KIAA1549: variants seen among roughly 807,000 people sequenced by gnomAD.
KIAA1549 encodes KIAA1549.
A neutral mutation model predicts 156.4 loss-of-function variants in KIAA1549; 70 were observed. The ratio of observed to expected loss-of-function variants is 0.45; its 90% CI spans 0.37 to 0.55. The LOEUF (loss-of-function observed/expected upper bound fraction) is 0.55, where lower values mean the gene tolerates loss of function less well. Among genes scored for constraint, KIAA1549 ranks in the 20% least tolerant of loss-of-function variants. The pLI is 0.00. For synonymous variants in KIAA1549, 1,103 were observed against 1,066.4 expected (o/e 1.03, Z -0.67); for missense variants, 2,428 against 2,540.9 (o/e 0.96, Z 0.96).
intron 3 of KIAA1549, among the ~76,000 whole-genome samples, chr7:138,912,148 CT>C (rs1777534088): frequency 6.6e-6 from 1 of 152,232 alleles, no homozygotes; most frequent in African/African-American, 2.4e-5. Context: ...AACACATCCC[CT>C]AAAGGACTAA....
intron 12 of KIAA1549, among the ~76,000 whole-genome samples, chr7:138,877,768 A>G (rs1178141520): frequency 6.6e-6 from 1 of 152,160 alleles, no homozygotes; most frequent in Non-Finnish European, 1.5e-5. Flanking sequence ...TATTCACAAA[A>G]TCATCTAATT....
At chr7:138,887,943 C>G (rs1027556017) in intron 10 of KIAA1549, among the ~76,000 whole-genome samples, 1 of 152,192 alleles carries the variant, frequency 6.6e-6, no homozygotes, top group East Asian at 1.9e-4. Context: ...ACAGTTCACT[C>G]CCGCAGAAGA....
intron 1 of KIAA1549, among the ~76,000 whole-genome samples, chr7:138,974,037 C>G (rs553747472): frequency 2.0e-5 from 3 of 152,172 alleles, no homozygotes; most frequent in Admixed American, 2.0e-4. Flanking sequence ...CAGTGGAGCA[C>G]GAGCACTGAC....
At chr7:138,889,904 T>C (rs1811501448) in intron 10 of KIAA1549, among the ~76,000 whole-genome samples, 1 of 152,228 alleles carries the variant, frequency 6.6e-6, no homozygotes, top group South Asian at 2.1e-4. Flanking sequence ...TCACTTTTTC[T>C]AGTTTCTCCA....
chr7:138,906,987 A>G lies in KIAA1549; in HGVS notation c.3392T>C (p.Leu1131Pro). 6.2e-7 allele frequency: 1 copy of G among 1,613,448 alleles called. No homozygotes were observed. The highest frequency in any genetic ancestry group is 1.1e-5 in the South Asian group (1 of 90,984). Residue 1131 changes from leucine (L) to proline (P), a missense_variant, in exon 6 of 20, where the codon CTG becomes CCG. Leu to Pro is a moderately conservative substitution (Grantham distance 98, BLOSUM62 -3). Around this residue, in one of 5 missense-constraint regions of KIAA1549, gnomAD observed 762 missense variants for 901.6 expected, o/e 0.85. Transcript: ENST00000422774. ...CTCCACCACACTCAAGTTTCTGAGC[A>G]GCTCGCTCACTTCCGACCCATTCAA... ...GFLNGSEVSE[L>P]LRNLSVVEFS...
chr7:138,964,058 C>T (rs1278040470), intron 1 of KIAA1549, among the ~76,000 whole-genome samples: 2 of 152,154 alleles, frequency 1.3e-5, no homozygotes, highest in African/African-American at 4.8e-5. Flanking sequence ...AAGTAAAATG[C>T]ACCACCACAC....
intron 18 of KIAA1549, 58 bp from the exon 19 acceptor site, chr7:138,840,336 A>C (rs1232557678): frequency 9.3e-6 from 14 of 1,504,208 alleles, no homozygotes; most frequent in Non-Finnish European, 1.3e-5. Flanking sequence ...ATGGCTGCTG[A>C]GGATGGCTGC....
At chr7:138,928,041 C>T (rs1314883182) in intron 1 of KIAA1549, among the ~76,000 whole-genome samples, 1 of 151,662 alleles carries the variant, frequency 6.6e-6, no homozygotes, top group Non-Finnish European at 1.5e-5. Flanking sequence ...CTGCCTCAGC[C>T]TCCCGAGTAG....
At chr7:138,860,921 T>C (rs1810552191) in intron 16 of KIAA1549, among the ~76,000 whole-genome samples, 1 of 152,200 alleles carries the variant, frequency 6.6e-6, no homozygotes, top group Non-Finnish European at 1.5e-5. Flanking sequence ...GCCTCCTAAA[T>C]TGCGGGGATT....
chr7:138,972,595 G>A (rs1054316302), intron 1 of KIAA1549, among the ~76,000 whole-genome samples: 37 of 151,854 alleles, frequency 2.4e-4, no homozygotes, highest in Non-Finnish European at 3.8e-4. Flanking sequence ...AGTGCTAGAG[G>A]ACAAAAATCA....
In KIAA1549 at chr7:138,881,526, T is replaced by C. The variant is rs1323238801; in HGVS notation, c.4091A>G (p.Asn1364Ser). The C allele has an allele frequency of 1.9e-6, 3 of 1,614,008 alleles. No individual in the cohort carries two copies. Among genetic ancestry groups the C allele is most frequent in the East Asian group, 2.2e-5 (1 of 44,886 alleles). ...ATGAATAATCAATATGTCGTCTTTATTGTGCTGACCCAGATGCTGCTTAGC... is the reference window on the plus strand; with the variant it reads ...ATGAATAATCAATATGTCGTCTTTACTGTGCTGACCCAGATGCTGCTTAGC... The part of the protein sequence containing the change: ...DFAKQHLGQH[N>S]KDDILIIHEP... The change falls in exon 11 of 20, where the codon AAT becomes AGT. Residue 1364 changes from asparagine to serine, a missense_variant. By Grantham distance (46) the Asn-to-Ser change is conservative (BLOSUM62 1). Transcript: ENST00000422774.
chr7:138,905,153 C>T (rs1811971736), intron 6 of KIAA1549, 72 bp from the exon 7 acceptor site: 1 of 1,005,420 alleles, frequency 9.9e-7, no homozygotes, highest in South Asian at 1.4e-5. Flanking sequence ...AACAAAGTCC[C>T]AACACATCGT....
chr7:138,899,214 G>T, intron 8 of KIAA1549, 82 bp from the exon 9 acceptor site: 1 of 1,263,100 alleles, frequency 7.9e-7, no homozygotes, highest in Non-Finnish European at 1.1e-6. Flanking sequence ...TCCTGGCTGT[G>T]TCACTCAGGA....
chr7:138,875,218 C>T (rs1410091756), intron 12 of KIAA1549, among the ~76,000 whole-genome samples: 1 of 152,082 alleles, frequency 6.6e-6, no homozygotes, highest in Non-Finnish European at 1.5e-5. Context: ...GGAAATATCA[C>T]AATGTCCCCC....
In KIAA1549 at chr7:138,834,945, T is replaced by C. The variant is rs1809662961; in HGVS notation, c.*2961A>G. On this transcript the variant is annotated 3_prime_UTR_variant, in exon 20 of 20. Coordinates refer to ENST00000422774, the MANE Select transcript of KIAA1549 (RefSeq NM_001164665.2). Reference sequence around the variant, plus strand: ...TGAAGTTCAGAGAAGGAACCAGACATGGTCAGTGAGTGACAAAGTAGTCTC... The same window carrying C: ...TGAAGTTCAGAGAAGGAACCAGACACGGTCAGTGAGTGACAAAGTAGTCTC... 1 of 226,412 alleles carries C rather than the reference T, an allele frequency of 4.4e-6. No individual in the cohort carries two copies. Among genetic ancestry groups the C allele is most frequent in the Non-Finnish European group, 8.7e-6 (1 of 114,660 alleles). 14.0% of individuals were successfully genotyped at this position (226,412 alleles called of 1,614,324 possible).
intron 1 of KIAA1549, among the ~76,000 whole-genome samples, chr7:138,937,460 G>C (rs1203594966): frequency 1.3e-5 from 2 of 152,202 alleles, no homozygotes. Context: ...TGCAGGGTGT[G>C]AAGTGTTAGC....
intron 16 of KIAA1549, among the ~76,000 whole-genome samples, chr7:138,858,847 A>C (rs866506590): frequency 6.6e-6 from 1 of 152,142 alleles, no homozygotes; most frequent in Non-Finnish European, 1.5e-5. Flanking sequence ...TCTACTAAAA[A>C]TACAAAAAAT....
In KIAA1549 at chr7:138,919,603, C is replaced by CAGAA. The variant is rs2130484842; in HGVS notation, c.188-169_188-166dup. The CAGAA allele has an allele frequency of 3.4e-6, 4 of 1,174,470 alleles. No individual in the cohort carries two copies. The East Asian group carries it at 1.0e-4, about 29-fold the overall frequency. The allele number at this position is 1,174,470 out of a possible 1,614,324, so 72.8% of individuals were successfully genotyped here. On this transcript the variant is annotated intron_variant, in intron 1 of 19. Transcript: ENST00000422774. ...CAGCTAGCTGGAAACGAGAAATTGA[C>CAGAA]AGAATTACCATCAGGACAATATCTG...
rs773200972 is a variant in KIAA1549 at position 138,934,721 on chromosome 7, C to G, written c.188-15283G>C. ...CTACCTGAAAAATGGGTGTTGAGAT[C>G]TGACTTCCCAAGTGGAAGGAAAATA... On this transcript the variant is annotated intron_variant, in intron 1 of 19. Transcript: ENST00000422774. 2.5e-4 allele frequency among the ~76,000 whole-genome samples: 38 copies of G among 152,272 alleles called. 1 individual carries two copies. Among genetic ancestry groups the G allele is most frequent in the Admixed American group, 5.2e-4 (8 of 15,306 alleles).
Sources: allele counts gnomAD v4.1 joint callset (sites outside exome capture counted in the v4.1 genomes callset), GRCh38; gene constraint gnomAD v4.1.1; regional missense constraint gnomAD v4.1.1; transcripts MANE v1.5; gene names NCBI Gene and HGNC (gene_info 2026-07-23, HGNC 2026-07-21).